The following NOS2 variants were observed in gnomAD, a reference collection of about 807,000 sequenced individuals.
NOS2 encodes nitric oxide synthase 2.
NOS2 carries 96 observed loss-of-function variants against 136.0 expected under a neutral mutation model. The observed-to-expected ratio is 0.71, with a 90% CI of 0.60 to 0.84. NOS2 has a LOEUF of 0.84. Among genes scored for constraint, NOS2 ranks in the 40% least tolerant of loss-of-function variants. The pLI is 0.00. For synonymous variants in NOS2, 539 were observed against 587.5 expected (o/e 0.92, Z 1.20); for missense variants, 1,237 against 1,496.9 (o/e 0.83, Z 2.87).
intron 2 of NOS2, chr17:27,793,453 G>A: frequency 2.6e-6 from 1 of 391,272 alleles, no homozygotes. Context: ...AGAGGAAAAC[G>A]CTTTTAGTAA....
chr17:27,772,507 A>G (rs775470633), intron 13 of NOS2, 55 bp from the exon 14 acceptor site: 18 of 1,599,770 alleles, frequency 1.1e-5, no homozygotes, highest in Non-Finnish European at 1.5e-5. Flanking sequence ...CTTCCAGAAG[A>G]AAATGGGGGA....
chr17:27,797,210 T>C (rs922012766), intron 2 of NOS2, among the ~76,000 whole-genome samples: 3 of 152,126 alleles, frequency 2.0e-5, no homozygotes, highest in African/African-American at 7.2e-5. Context: ...GGCCACAGAG[T>C]CCACCTGACT....
chr17:27,773,576 C>T (rs564320042), intron 12 of NOS2, among the ~76,000 whole-genome samples: 9 of 152,258 alleles, frequency 5.9e-5, no homozygotes, highest in South Asian at 2.1e-4. Context: ...CAGTCCCAAC[C>T]GAGACACCTT....
At position 27,787,520 on chromosome 17, in the gene NOS2, C is replaced by T. The variant is rs138927315; in HGVS notation, c.467+158G>A. On this transcript the variant is annotated intron_variant, in intron 5 of 26. Transcript: ENST00000313735. ...GAGAACCTGCTCCAGGGTCTTCTCC[C>T]CTAGAAAACCGTGATTTTCGCTCTG... is the stretch of plus-strand genomic sequence containing the variant. Among the ~76,000 whole-genome samples the T allele has an allele frequency of 1.6e-4, 25 of 152,270 alleles. No individual in the cohort carries two copies. The East Asian group carries it at 4.5e-3, about 27-fold the overall frequency.
chr17:27,765,230 C>T (rs1908258061), intron 20 of NOS2, among the ~76,000 whole-genome samples: 1 of 152,218 alleles, frequency 6.6e-6, no homozygotes, highest in Admixed American at 6.5e-5. Context: ...TCAAGTGATC[C>T]ACCCACCACG....
Position 27,762,846 on chromosome 17 carries a change from G to T in NOS2, c.2752C>A (p.Pro918Thr), listed in dbSNP as rs775557050. The T allele has an allele frequency of 6.4e-7, 1 of 1,565,486 alleles. No individual in the cohort carries two copies. The change falls in exon 22 of 27, where the codon CCC becomes ACC. Residue 918 changes from proline to threonine, a missense_variant. Pro to Thr is a conservative substitution (Grantham distance 38, BLOSUM62 -1). This residue lies in a region of NOS2 where 782 missense variants were observed against 909.9 expected (regional missense o/e 0.86). Coordinates refer to ENST00000313735, the MANE Select transcript of NOS2 (RefSeq NM_000625.4). Reference protein sequence around the residue: ...YSISSSRDHTPTEIHLTVAVV... With the variant: ...YSISSSRDHTTTEIHLTVAVV... The stretch of plus-strand genomic sequence containing the variant: ...GCCACAGTCAGGTGGATCTCTGTGG[G>T]CGTGTGATCCCGGGAGGAGCTGATG...
At chr17:27,791,543 T>C (rs988263516) in intron 2 of NOS2, among the ~76,000 whole-genome samples, 2 of 151,958 alleles carry the variant, frequency 1.3e-5, no homozygotes, top group African/African-American at 4.8e-5. Flanking sequence ...TCTTGGTAAT[T>C]TTCCATCCAC....
chr17:27,769,153 T>C lies in NOS2; in HGVS notation c.1860-2A>G, dbSNP rs761410078. Reference sequence around the variant, plus strand: ...GAGCCGAGGCCAAACACAGCGTACCTGCCCGAGGACACACACAGAGACACA... The same window carrying C: ...GAGCCGAGGCCAAACACAGCGTACCCGCCCGAGGACACACACAGAGACACA... On this transcript the variant is annotated splice_acceptor_variant, in intron 16 of 26. Transcript: ENST00000313735. LOFTEE classifies it high-confidence loss of function. The C allele has an allele frequency of 1.2e-6, 2 of 1,606,086 alleles. No homozygotes were observed. The highest frequency in any genetic ancestry group is 1.7e-6 in the Non-Finnish European group (2 of 1,177,802).
chr17:27,764,109 AG>A lies in NOS2; in HGVS notation c.2463del (p.Cys822AlafsTer62), dbSNP rs747264553. 5 of 1,593,888 alleles carry A rather than the reference AG, an allele frequency of 3.1e-6. No homozygotes were observed. The highest frequency in any genetic ancestry group is 1.8e-5 in the Admixed American group (1 of 56,816). ...SYWVSDKRLP[P>X]CSLSQALTYF... ...TAGGTGAGGGCCTGGCTGAGTGAGCAGGGGGGCAGCCTCTTGTCACTGACCC... is the reference window on the plus strand; with the variant it reads ...TAGGTGAGGGCCTGGCTGAGTGAGCAGGGGGCAGCCTCTTGTCACTGACCC... On this transcript the variant is annotated frameshift_variant, in exon 21 of 27. Transcript: ENST00000313735. LOFTEE classifies it high-confidence loss of function.
In NOS2 at chr17:27,760,677, T is replaced by C. The variant is rs1908092710; in HGVS notation, c.2956A>G (p.Ile986Val). The C allele has an allele frequency of 6.4e-7, 1 of 1,552,308 alleles. No homozygotes were observed. Among genetic ancestry groups the C allele is most frequent in the Non-Finnish European group, 8.7e-7 (1 of 1,147,590 alleles). Residue 986 changes from isoleucine to valine, a missense_variant, in exon 24 of 27, where the codon ATC becomes GTC. Ile to Val is a conservative substitution (Grantham distance 29, BLOSUM62 3). Around this residue, in one of 3 missense-constraint regions of NOS2, gnomAD observed 782 missense variants for 909.9 expected, o/e 0.86. Transcript: ENST00000313735. The part of the protein sequence containing the change: ...PCILIGPGTG[I>V]APFRSFWQQR... ...TGCCAGAAACTGCGGAAGGGCGCGA[T>C]GCCTGTGCCAGGCCCGATGAGGATG...
At position 27,760,669 on chromosome 17, in the gene NOS2, G is replaced by A. The variant is rs200921564; in HGVS notation, c.2964C>T (p.Pro988=). ...GCCGTTGCTGCCAGAAACTGCGGAA[G>A]GGCGCGATGCCTGTGCCAGGCCCGA... ...ILIGPGTGIA[P]FRSFWQQRLH... is the part of the protein sequence containing the mutation. The change falls in exon 24 of 27, where the codon CCC becomes CCT. Residue 988 remains proline (P), a synonymous_variant. Transcript: ENST00000313735. 5 of 1,552,800 alleles carry A rather than the reference G, an allele frequency of 3.2e-6. No individual in the cohort carries two copies. The highest frequency in any genetic ancestry group is 3.5e-6 in the Non-Finnish European group (4 of 1,147,758).
intron 5 of NOS2, among the ~76,000 whole-genome samples, chr17:27,783,465 C>G (rs189199595): frequency 5.9e-5 from 9 of 152,306 alleles, no homozygotes; most frequent in Non-Finnish European, 1.0e-4. Flanking sequence ...GGGGTGCAAT[C>G]CTTCTCAGAC....
intron 5 of NOS2, among the ~76,000 whole-genome samples, chr17:27,784,749 T>C (rs1222232321): frequency 1.3e-5 from 2 of 152,130 alleles, no homozygotes; most frequent in African/African-American, 2.4e-5. Context: ...TCTCTAAATA[T>C]GCTATGATTC....
rs1908473131 is a variant in NOS2 at position 27,770,928 on chromosome 17, G to A, written c.1794C>T (p.Cys598=). 2.5e-6 allele frequency: 4 copies of A among 1,613,616 alleles called. No homozygotes were observed. In the South Asian group the frequency reaches 3.3e-5, roughly 13 times the overall value. Residue 598 remains cysteine, a synonymous_variant, in exon 15 of 27, where the codon TGC becomes TGT. Transcript: ENST00000313735. ...AGCCACCCACCTCTCCATTGCCAGGGCAGTCTCCATTGCCAAACGTACTGG... is the reference window on the plus strand; with the variant it reads ...AGCCACCCACCTCTCCATTGCCAGGACAGTCTCCATTGCCAAACGTACTGG... ...VVTSTFGNGD[C]PGNGEKLKKS...
intron 2 of NOS2, among the ~76,000 whole-genome samples, chr17:27,795,155 C>T (rs2142530379): frequency 6.6e-6 from 1 of 152,354 alleles, no homozygotes; most frequent in East Asian, 1.9e-4. Flanking sequence ...TCTCCCAAAC[C>T]AGCGAGGAAG....
chr17:27,792,339 T>C (rs1182311157), intron 2 of NOS2, among the ~76,000 whole-genome samples: 1 of 152,246 alleles, frequency 6.6e-6, no homozygotes, highest in African/African-American at 2.4e-5. Flanking sequence ...TAACAGTGAC[T>C]AGCATTAAGT....
At chr17:27,767,896 T>G (rs1373970536) in intron 17 of NOS2, 59 bp from the exon 18 acceptor site, 3 of 1,603,686 alleles carry the variant, frequency 1.9e-6, no homozygotes, top group Non-Finnish European at 2.5e-6. Context: ...TCCCCACCAC[T>G]GGGGCTACCA....
chr17:27,766,413 T>A, intron 19 of NOS2, 97 bp downstream of exon 19: 2 of 1,129,372 alleles, frequency 1.8e-6, no homozygotes, highest in South Asian at 2.5e-5. Flanking sequence ...GCATATGCTC[T>A]TCTCCTCTCC....
chr17:27,760,206 A>C, intron 24 of NOS2, 28 bp from the exon 25 acceptor site: 1 of 1,516,840 alleles, frequency 6.6e-7, no homozygotes, highest in Non-Finnish European at 8.8e-7. Context: ...TGTTGTTACC[A>C]TGTTGGCCAC....
Sources: allele counts gnomAD v4.1 joint callset (sites outside exome capture counted in the v4.1 genomes callset), GRCh38; gene constraint gnomAD v4.1.1; regional missense constraint gnomAD v4.1.1; transcripts MANE v1.5; gene names NCBI Gene and HGNC (gene_info 2026-07-23, HGNC 2026-07-21).